GPD1L: variants seen among roughly 807,000 people sequenced by gnomAD.
GPD1L encodes glycerol-3-phosphate dehydrogenase 1-like protein.
A neutral mutation model predicts 32.9 loss-of-function variants in GPD1L; 17 were observed. That is an observed-to-expected ratio of 0.52 (90% confidence interval 0.35 to 0.78). The LOEUF is 0.78. Among genes scored for constraint, GPD1L ranks in the 30% least tolerant of loss-of-function variants. GPD1L has a pLI of 0.01. For missense variants in GPD1L, 361 were observed against 447.8 expected (o/e 0.81, Z 1.75); for synonymous variants, 187 against 165.9 (o/e 1.13, Z -0.98).
rs181959523 is a variant in GPD1L, at chr3:32,138,833, C to T, written c.366+106C>T. 1,583 of 1,220,762 alleles carry T rather than the reference C, an allele frequency of 1.3e-3. 14 individuals are homozygous for T. In the African/African-American group the frequency reaches 0.02, roughly 16 times the overall value. The allele number at this position is 1,220,762 out of a possible 1,614,324, so 75.6% of individuals were successfully genotyped here. A position where few individuals can be genotyped will look rare whatever the true frequency, so the allele number is the denominator to read the frequency against. On this transcript the variant is annotated intron_variant, in intron 3 of 7. Coordinates refer to ENST00000282541, the MANE Select transcript of GPD1L (RefSeq NM_015141.4). ...TTTGGAGCTGAAGGGGAAGTTGTGG[C>T]GGTTTTTCGTTTGTGTTCTTAAAGA...
intron 2 of GPD1L, among the ~76,000 whole-genome samples, chr3:32,131,779 T>G (rs1237676212): frequency 6.6e-6 from 1 of 152,264 alleles, no homozygotes; most frequent in Non-Finnish European, 1.5e-5. Flanking sequence ...TGTGTATACC[T>G]AGGAGTAGAG....
At chr3:32,160,866 A>C (rs1480313695) in intron 7 of GPD1L, among the ~76,000 whole-genome samples, 2 of 151,800 alleles carry the variant, frequency 1.3e-5, no homozygotes, top group African/African-American at 2.4e-5. Context: ...GTGGAGGACC[A>C]TAATCATGAT....
At position 32,138,665 on chromosome 3, in the gene GPD1L, A is replaced by C. The variant is rs1275648882; in HGVS notation, c.304A>C (p.Arg102=). 1.2e-6 allele frequency: 2 copies of C among 1,613,964 alleles called. No homozygotes were observed. The highest frequency in any genetic ancestry group is 1.7e-6 in the Non-Finnish European group (2 of 1,179,978). ...TGTCATTCCCCACCAGTTCATTCAC[A>C]GAATCTGTGATGAGATCACTGGGAG... The part of the protein sequence containing the change: ...VFVIPHQFIH[R]ICDEITGRVP... The change falls in exon 3 of 8, where the codon AGA becomes CGA. Residue 102 remains arginine, a synonymous_variant. Transcript: ENST00000282541.
chr3:32,133,848 A>G (rs138116868), intron 2 of GPD1L, among the ~76,000 whole-genome samples: 22 of 152,344 alleles, frequency 1.4e-4, no homozygotes, highest in African/African-American at 4.6e-4. Flanking sequence ...GGAAGTACGA[A>G]AGAACCTTCA....
rs368879249 is a variant in GPD1L at position 32,120,500 on chromosome 3, T to A, written c.48-7576T>A. On this transcript the variant is annotated intron_variant, in intron 1 of 7. Coordinates refer to ENST00000282541, the MANE Select transcript of GPD1L (RefSeq NM_015141.4). ...ATCTGATTAGTCAAGGTGGTCTTTC[T>A]GAGTGGTGGGGGAGGTATATTTAAC... 5.3e-5 allele frequency among the ~76,000 whole-genome samples: 8 copies of A among 152,310 alleles called. No homozygotes were observed. In the East Asian group the frequency reaches 1.4e-3, roughly 26 times the overall value.
intron 1 of GPD1L, among the ~76,000 whole-genome samples, chr3:32,110,773 T>C (rs1700234130): frequency 6.6e-6 from 1 of 152,256 alleles, no homozygotes; most frequent in Admixed American, 6.5e-5. Flanking sequence ...CTTCCTAACC[T>C]GCATGACTTT....
intron 7 of GPD1L, among the ~76,000 whole-genome samples, chr3:32,163,764 CTT>C (rs1051325729): frequency 6.7e-4 from 102 of 152,332 alleles, no homozygotes; most frequent in African/African-American, 2.3e-3. Flanking sequence ...CTTCATATCT[CTT>C]GTTAACATCC....
At chr3:32,161,703 A>C (rs1229012013) in intron 7 of GPD1L, among the ~76,000 whole-genome samples, 3 of 152,160 alleles carry the variant, frequency 2.0e-5, no homozygotes, top group African/African-American at 4.8e-5. Flanking sequence ...CTGTTTTCAA[A>C]AGCAGGTGTA....
intron 6 of GPD1L, 41 bp downstream of exon 6, chr3:32,159,150 C>T (rs538633576): frequency 1.7e-5 from 25 of 1,443,314 alleles, no homozygotes; most frequent in Non-Finnish European, 2.3e-5. Context: ...TCCTTCCTCA[C>T]TTGAGACTCC....
At chr3:32,138,769 C>G in intron 3 of GPD1L, 42 bp downstream of exon 3, 2 of 1,598,614 alleles carry the variant, frequency 1.3e-6, no homozygotes, top group South Asian at 1.1e-5. Flanking sequence ...CATTGGTTAT[C>G]AGGAAATTTC....
chr3:32,154,985 G>A (rs932879180), intron 5 of GPD1L, among the ~76,000 whole-genome samples: 8 of 152,170 alleles, frequency 5.3e-5, no homozygotes, highest in African/African-American at 1.7e-4. Flanking sequence ...CTGAGCTCAA[G>A]CAATCCACCC....
At chr3:32,149,109 G>A (rs1379880083) in intron 5 of GPD1L, among the ~76,000 whole-genome samples, 1 of 152,228 alleles carries the variant, frequency 6.6e-6, no homozygotes, top group East Asian at 1.9e-4. Context: ...TGCCCAGACT[G>A]AGTGCAGTGG....
At position 32,158,888 on chromosome 3, in the gene GPD1L, G is replaced by A. The variant is rs750110247; in HGVS notation, c.631G>A (p.Val211Met). Residue 211 changes from valine to methionine, a missense_variant, in exon 6 of 8, where the codon GTG (valine) becomes ATG (methionine). By Grantham distance (21) the Val-to-Met change is conservative. Transcript: ENST00000282541. ...LCGALKNIVAVGAGFCDGLRC... is the reference protein window; with the variant it reads ...LCGALKNIVAMGAGFCDGLRC... The stretch of plus-strand genomic sequence containing the variant: ...ATCTCCTTTGCAGAACATCGTAGCT[G>A]TGGGAGCTGGGTTCTGCGACGGCCT... 5 of 1,613,930 alleles carry A rather than the reference G, an allele frequency of 3.1e-6. No homozygotes were observed. The highest frequency in any genetic ancestry group is 1.3e-5 in the African/African-American group (1 of 74,938).
intron 6 of GPD1L, 48 bp downstream of exon 6, chr3:32,159,157 C>T: frequency 7.0e-7 from 1 of 1,423,542 alleles, no homozygotes; most frequent in South Asian, 1.2e-5. Context: ...TCACTTGAGA[C>T]TCCTGGCTTG....
rs148445484 is a variant in GPD1L at position 32,112,673 on chromosome 3, C to T, written c.47+5915C>T. Among the ~76,000 whole-genome samples the T allele has an allele frequency of 4.3e-3, 660 of 152,182 alleles. 3 individuals carry two copies. The highest frequency in any genetic ancestry group is 8.5e-3 in the Admixed American group (130 of 15,276). On this transcript the variant is annotated intron_variant, in intron 1 of 7. Coordinates refer to ENST00000282541, the MANE Select transcript of GPD1L (RefSeq NM_015141.4). ...ATATAATATAATAATGACTACTATT[C>T]TAGGAATGAGTCGAGAGCTCCCAGT...
chr3:32,155,515 A>T (rs1378711486), intron 5 of GPD1L, among the ~76,000 whole-genome samples: 1 of 151,960 alleles, frequency 6.6e-6, no homozygotes, highest in Non-Finnish European at 1.5e-5. Context: ...TCATGTTGTG[A>T]TGGAGGGGGA....
At chr3:32,110,718 G>A (rs1401016827) in intron 1 of GPD1L, among the ~76,000 whole-genome samples, 1 of 152,218 alleles carries the variant, frequency 6.6e-6, no homozygotes, top group Non-Finnish European at 1.5e-5. Context: ...CATGCATCCA[G>A]CTGAGCCCTG....
At position 32,167,738 on chromosome 3, in the gene GPD1L, TGC is replaced by T. The variant is rs1559586588; in HGVS notation, c.*1829_*1830del. The T allele has an allele frequency of 2.0e-5, 3 of 152,364 alleles. No individual in the cohort carries two copies. Among genetic ancestry groups the T allele is most frequent in the Non-Finnish European group, 2.9e-5 (2 of 67,988 alleles). 9.4% of individuals were successfully genotyped at this position (152,364 alleles called of 1,614,324 possible). A position where few individuals can be genotyped will look rare whatever the true frequency, so the allele number is the denominator to read the frequency against. ...TGTGAGATTTGGGCCTGTCCCTCAA[TGC>T]CAGTTTAGGATTTCTTTTTTTCTAT... On this transcript the variant is annotated 3_prime_UTR_variant, in exon 8 of 8. Coordinates refer to ENST00000282541, the MANE Select transcript of GPD1L (RefSeq NM_015141.4).
intron 2 of GPD1L, among the ~76,000 whole-genome samples, chr3:32,137,820 A>T (rs1284020301): frequency 6.6e-6 from 1 of 152,224 alleles, no homozygotes; most frequent in East Asian, 1.9e-4. Flanking sequence ...AGTTTTCTAT[A>T]TCATTTAGTC....
Sources: allele counts gnomAD v4.1 joint callset (sites outside exome capture counted in the v4.1 genomes callset), GRCh38; gene constraint gnomAD v4.1.1; transcripts MANE v1.5; gene names NCBI Gene and HGNC (gene_info 2026-07-23, HGNC 2026-07-21).